Variants in AUH observed in about 807,000 individuals in gnomAD.
AUH encodes methylglutaconyl-CoA hydratase, mitochondrial.
AUH carries 29 observed loss-of-function variants against 42.3 expected under a neutral mutation model. The observed-to-expected ratio is 0.69, with a 90% CI of 0.51 to 0.93. AUH has a LOEUF of 0.93. Ranked by LOEUF, AUH falls within the 40% of genes least tolerant of loss-of-function variation. The pLI is 0.00. For synonymous variants in AUH, 174 were observed against 166.4 expected (o/e 1.05, Z -0.35); for missense variants, 452 against 438.1 (o/e 1.03, Z -0.28).
rs577825700 is a variant in AUH, at chr9:91,355,435, T to C, written c.418+448A>G. ...AGCTAGGCGAGGTGGCAGGCGCCTG[T>C]AATCCCAGCTACTCGGGGGGCTGAG... On this transcript the variant is annotated intron_variant, in intron 3 of 9. Transcript: ENST00000375731. 2.7e-4 allele frequency among the ~76,000 whole-genome samples: 41 copies of C among 152,048 alleles called. 1 individual carries two copies. In the South Asian group the frequency reaches 8.1e-3, roughly 30 times the overall value.
intron 1 of AUH, among the ~76,000 whole-genome samples, chr9:91,358,034 G>C (rs572190590): frequency 6.6e-6 from 1 of 152,164 alleles, no homozygotes; most frequent in African/African-American, 2.4e-5. Flanking sequence ...GACACAATTC[G>C]AGTCCAATCA....
rs1417624120 is a variant in AUH, at chr9:91,295,891, T to G, written c.655+130A>C. 1.1e-5 allele frequency: 11 copies of G among 1,026,122 alleles called. No individual in the cohort carries two copies. The Admixed American group carries it at 1.3e-4, about 12-fold the overall frequency. The allele number at this position is 1,026,122 out of a possible 1,614,324, so 63.6% of individuals were successfully genotyped here. The stretch of plus-strand genomic sequence containing the variant: ...CCTGTAACTTGAATGGGGACTTTGC[T>G]AGGGATGCAAACAATATGCCATTGT... On this transcript the variant is annotated intron_variant, in intron 6 of 9. Transcript: ENST00000375731.
At chr9:91,343,772 T>G (rs57520705) in intron 3 of AUH, among the ~76,000 whole-genome samples, 6 of 152,262 alleles carry the variant, frequency 3.9e-5, no homozygotes, top group African/African-American at 1.4e-4. Context: ...TCATTATAGA[T>G]TCAATGTAGT....
intron 6 of AUH, among the ~76,000 whole-genome samples, chr9:91,248,676 G>T (rs1372929855): frequency 6.6e-6 from 1 of 152,166 alleles, no homozygotes; most frequent in Non-Finnish European, 1.5e-5. Flanking sequence ...TGTACAGTAA[G>T]TCCTCACATA....
chr9:91,250,158 G>T (rs565329472), intron 6 of AUH, among the ~76,000 whole-genome samples: 3 of 152,138 alleles, frequency 2.0e-5, no homozygotes, highest in African/African-American at 4.8e-5. Flanking sequence ...CACCTGCCAG[G>T]GCGAGCCTGG....
intron 6 of AUH, among the ~76,000 whole-genome samples, chr9:91,226,307 G>A (rs9657695): frequency 6.7e-6 from 1 of 148,728 alleles, no homozygotes. Context: ...GCCAGTGATG[G>A]TGAGCATTTT....
chr9:91,228,206 T>A (rs1230797429), intron 6 of AUH, among the ~76,000 whole-genome samples: 1 of 152,244 alleles, frequency 6.6e-6, no homozygotes, highest in Non-Finnish European at 1.5e-5. Flanking sequence ...GTTGGTAAGC[T>A]ATTGATTATT....
intron 6 of AUH, among the ~76,000 whole-genome samples, chr9:91,231,748 A>G (rs1450182498): frequency 6.6e-6 from 1 of 152,168 alleles, no homozygotes; most frequent in Non-Finnish European, 1.5e-5. Flanking sequence ...ACAGCTTCCA[A>G]TGCAGAGCCT....
chr9:91,221,862 C>T (rs1564006848), intron 6 of AUH, among the ~76,000 whole-genome samples: 1 of 151,990 alleles, frequency 6.6e-6, no homozygotes, highest in Admixed American at 6.6e-5. Flanking sequence ...GTGATGAGGA[C>T]GGGATCTCAT....
At position 91,248,080 on chromosome 9, in the gene AUH, C is replaced by A. The variant is rs145241079; in HGVS notation, c.656-27088G>T. 4.9e-4 allele frequency among the ~76,000 whole-genome samples: 74 copies of A among 152,248 alleles called. 1 individual carries two copies. The East Asian group carries it at 0.014, about 28-fold the overall frequency. ...GTTCTTGGTGTCTCATCTAAGAAACCTTAGATTTCTAACCCAAAATGAGAA... is the reference window on the plus strand; with the variant it reads ...GTTCTTGGTGTCTCATCTAAGAAACATTAGATTTCTAACCCAAAATGAGAA... On this transcript the variant is annotated intron_variant, in intron 6 of 9. Transcript: ENST00000375731.
At chr9:91,296,107 A>G in intron 5 of AUH, 30 bp from the exon 6 acceptor site, 1 of 1,602,572 alleles carries the variant, frequency 6.2e-7, no homozygotes, top group Non-Finnish European at 8.5e-7. Flanking sequence ...ATTAAGTATC[A>G]TCCATATCAT....
chr9:91,215,021 T>G (rs1269517484), intron 9 of AUH, among the ~76,000 whole-genome samples: 2 of 152,222 alleles, frequency 1.3e-5, no homozygotes, highest in Non-Finnish European at 2.9e-5. Context: ...TAATTCACTT[T>G]CCTCATGGCA....
At chr9:91,347,082 G>A (rs946545336) in intron 3 of AUH, among the ~76,000 whole-genome samples, 10 of 152,070 alleles carry the variant, frequency 6.6e-5, no homozygotes, top group African/African-American at 1.7e-4. Flanking sequence ...TGTCACCCAC[G>A]CTGGAGCACA....
At chr9:91,238,071 C>T (rs1034484942) in intron 6 of AUH, among the ~76,000 whole-genome samples, 1 of 152,156 alleles carries the variant, frequency 6.6e-6, no homozygotes, top group Non-Finnish European at 1.5e-5. Flanking sequence ...TTTTCAGTGT[C>T]CGTTTTATAC....
At chr9:91,339,805 A>T (rs1233712720) in intron 3 of AUH, among the ~76,000 whole-genome samples, 2 of 152,130 alleles carry the variant, frequency 1.3e-5, no homozygotes, top group Non-Finnish European at 2.9e-5. Context: ...GCAGTAAAAG[A>T]CTACCATCTG....
In AUH at chr9:91,220,913, G is replaced by A. The variant is rs1827096843; in HGVS notation, c.735C>T (p.Gly245=). The change falls in exon 7 of 10, where the codon GGC becomes GGT. Residue 245 remains glycine, a synonymous_variant. Coordinates refer to ENST00000375731, the MANE Select transcript of AUH (RefSeq NM_001698.3). ...ELIFSARVLD[G]KEAKAVGLIS... The stretch of plus-strand genomic sequence containing the variant: ...TTAAGCCCACTGCTTTGGCTTCTTT[G>A]CCATCGAGGACTCGCGCAGAGAATA... 1.2e-6 allele frequency: 2 copies of A among 1,614,096 alleles called. No homozygotes were observed. The highest frequency in any genetic ancestry group is 1.1e-5 in the South Asian group (1 of 91,078).
intron 6 of AUH, among the ~76,000 whole-genome samples, chr9:91,227,881 C>A (rs1243251606): frequency 1.3e-5 from 2 of 149,928 alleles, no homozygotes; most frequent in Admixed American, 6.7e-5. Context: ...ATTGAACCAG[C>A]CTTGCATCCC....
intron 6 of AUH, among the ~76,000 whole-genome samples, chr9:91,286,503 A>G (rs1253261448): frequency 1.3e-5 from 2 of 152,192 alleles, no homozygotes; most frequent in Non-Finnish European, 2.9e-5. Context: ...TCCTAAAAAT[A>G]TGCCCACATT....
At chr9:91,288,546 A>G (rs1826601728) in intron 6 of AUH, among the ~76,000 whole-genome samples, 1 of 152,128 alleles carries the variant, frequency 6.6e-6, no homozygotes. Context: ...CAGTGCTTCA[A>G]ATCAATAGTG....
Sources: gnomAD v4.1 joint callset for allele counts (sites outside exome capture counted in the v4.1 genomes callset) on GRCh38, gnomAD v4.1.1 for gene constraint, MANE v1.5 for transcripts, NCBI Gene and HGNC (gene_info 2026-07-23, HGNC 2026-07-21) for gene names.